The following NUS1 variants were observed in gnomAD, a reference collection of about 807,000 sequenced individuals.
NUS1 encodes the protein dehydrodolichyl diphosphate synthase complex subunit NUS1.
For missense variants in NUS1, 292 were observed against 382.9 expected (o/e 0.76, Z 1.98); for synonymous variants, 135 against 155.2 (o/e 0.87, Z 0.97).
intron 1 of NUS1, among the ~76,000 whole-genome samples, chr6:117,676,492 C>G (rs1442982034): frequency 6.6e-6 from 1 of 152,164 alleles, no homozygotes; most frequent in Non-Finnish European, 1.5e-5. Flanking sequence ...GCAGGAGAAT[C>G]GCTGGAACCC....
At chr6:117,693,978 AATATACCTG>A in intron 2 of NUS1, 44 bp from the exon 3 acceptor site, 1 of 1,557,438 alleles carries the variant, frequency 6.4e-7, no homozygotes, top group Non-Finnish European at 8.7e-7. Context: ...CTGCTTTTGA[AATATACCTG>A]GAAGAGAGTG....
rs920211093 is a variant in NUS1, at chr6:117,700,814, A to G, written c.692-2791A>G. The stretch of plus-strand genomic sequence containing the variant: ...CCTGTCATTTGCAGCAACACGGATG[A>G]AACTGGAGGCCATTATGTTAAATGA... On this transcript the variant is annotated intron_variant, in intron 3 of 4. Transcript: ENST00000368494. 3.0e-4 allele frequency among the ~76,000 whole-genome samples: 45 copies of G among 152,320 alleles called. 1 individual carries two copies. The highest frequency in any genetic ancestry group is 9.6e-4 in the African/African-American group (40 of 41,576).
intron 3 of NUS1, among the ~76,000 whole-genome samples, chr6:117,696,156 A>G (rs1397218331): frequency 6.6e-6 from 1 of 152,110 alleles, no homozygotes; most frequent in Non-Finnish European, 1.5e-5. Context: ...CTGAAAATGC[A>G]TCAGAGTCTC....
chr6:117,706,449 A>C (rs556187816), intron 4 of NUS1, among the ~76,000 whole-genome samples: 1 of 152,176 alleles, frequency 6.6e-6, no homozygotes, highest in South Asian at 2.1e-4. Context: ...GCTTTGCATT[A>C]ATCTGAGCTT....
Position 117,675,842 on chromosome 6 carries a change from A to C in NUS1, c.172A>C (p.Lys58Gln). 1 of 1,542,328 alleles carries C rather than the reference A, an allele frequency of 6.5e-7. No individual in the cohort carries two copies. The highest frequency in any genetic ancestry group is 2.0e-5 in the Admixed American group (1 of 50,436). Residue 58 changes from lysine (K) to glutamine (Q), a missense_variant, in exon 1 of 5, where the codon AAG becomes CAG. By Grantham distance (53) the Lys-to-Gln change is moderately conservative. Coordinates refer to ENST00000368494, the MANE Select transcript of NUS1 (RefSeq NM_138459.5). ...VLAPLGFTLR[K>Q]PPAVGRNRRH... The stretch of plus-strand genomic sequence containing the variant: ...AGCGCCGCTCGGCTTCACGCTCCGC[A>C]AGCCCCCGGCAGTCGGCAGGAACCG...
chr6:117,690,321 A>G (rs1773197086), intron 1 of NUS1, among the ~76,000 whole-genome samples: 1 of 152,068 alleles, frequency 6.6e-6, no homozygotes, highest in Admixed American at 6.6e-5. Context: ...TTAGCCTTCT[A>G]CTTTTCTCTA....
At chr6:117,682,078 T>C (rs1265212771) in intron 1 of NUS1, among the ~76,000 whole-genome samples, 1 of 152,028 alleles carries the variant, frequency 6.6e-6, no homozygotes, top group African/African-American at 2.4e-5. Flanking sequence ...AAGATCCACC[T>C]GCCTCAGCCT....
In NUS1 at chr6:117,690,345, A is replaced by G. The variant is rs551311056; in HGVS notation, c.416-2697A>G. Among the ~76,000 whole-genome samples, 3 of 152,268 alleles carry G rather than the reference A, an allele frequency of 2.0e-5. No individual in the cohort carries two copies. In the South Asian group the frequency reaches 6.2e-4, roughly 32 times the overall value. ...TACTTTTCTCTATATATACCTAATT[A>G]TATTTGAAATCTTACTAATCGTTAT... On this transcript the variant is annotated intron_variant, in intron 1 of 4. Transcript: ENST00000368494.
intron 3 of NUS1, among the ~76,000 whole-genome samples, chr6:117,700,808 C>T (rs376569131): frequency 1.3e-5 from 2 of 152,094 alleles, no homozygotes; most frequent in African/African-American, 2.4e-5. Flanking sequence ...TGCAGCAACA[C>T]GGATGAAACT....
rs1441743015 is a variant in NUS1 at position 117,710,077 on chromosome 6, T to A, written c.*3062T>A. 1 of 152,146 alleles carries A rather than the reference T, an allele frequency of 6.6e-6. No homozygotes were observed. Among genetic ancestry groups the A allele is most frequent in the Non-Finnish European group, 1.5e-5 (1 of 67,974 alleles). 9.4% of individuals were successfully genotyped at this position (152,146 alleles called of 1,614,324 possible). On this transcript the variant is annotated 3_prime_UTR_variant, in exon 5 of 5. Transcript: ENST00000368494. ...TTCCACAGTAATTAAAATTTGAATT[T>A]TTACCGAATATGAAATTTCCAAATT...
intron 3 of NUS1, among the ~76,000 whole-genome samples, chr6:117,701,734 C>A (rs1176192318): frequency 1.3e-5 from 2 of 151,860 alleles, no homozygotes; most frequent in Non-Finnish European, 1.5e-5. Context: ...CTGCAACCTT[C>A]CTAAGATACA....
chr6:117,703,085 A>G (rs1469818750), intron 3 of NUS1, among the ~76,000 whole-genome samples: 3 of 152,172 alleles, frequency 2.0e-5, no homozygotes, highest in Non-Finnish European at 4.4e-5. Flanking sequence ...CAAGGAAGAC[A>G]TTTGTGATGT....
intron 1 of NUS1, 25 bp from the exon 2 acceptor site, chr6:117,693,017 T>G: frequency 6.3e-7 from 1 of 1,583,884 alleles, no homozygotes; most frequent in Non-Finnish European, 8.7e-7. Flanking sequence ...TAGTTGTGTT[T>G]TACTTGCCTT....
At chr6:117,704,169 G>T (rs929575181) in intron 4 of NUS1, among the ~76,000 whole-genome samples, 3 of 152,170 alleles carry the variant, frequency 2.0e-5, no homozygotes, top group Admixed American at 6.5e-5. Context: ...ATAGGAATGT[G>T]TGTAGTGGTA....
At chr6:117,679,058 C>T (rs1773024605) in intron 1 of NUS1, among the ~76,000 whole-genome samples, 1 of 152,170 alleles carries the variant, frequency 6.6e-6, no homozygotes, top group Non-Finnish European at 1.5e-5. Flanking sequence ...ATCCTATTGA[C>T]ATACTCGTAA....
chr6:117,699,843 G>C (rs918115712), intron 3 of NUS1, among the ~76,000 whole-genome samples: 1 of 151,832 alleles, frequency 6.6e-6, no homozygotes, highest in African/African-American at 2.4e-5. Flanking sequence ...ACAATCTAGA[G>C]ACAAATGCAT....
chr6:117,696,102 A>G (rs1484292514), intron 3 of NUS1, among the ~76,000 whole-genome samples: 1 of 152,104 alleles, frequency 6.6e-6, no homozygotes, highest in Non-Finnish European at 1.5e-5. Flanking sequence ...AATAATTAAA[A>G]AGAATCAAGC....
chr6:117,681,659 G>T (rs1015489037), intron 1 of NUS1, among the ~76,000 whole-genome samples: 1 of 152,146 alleles, frequency 6.6e-6, no homozygotes. Context: ...ATACTGAATA[G>T]TACAACCTAG....
rs1313193672 is a variant in NUS1 at position 117,710,374 on chromosome 6, T to G, written c.*3359T>G. The stretch of plus-strand genomic sequence containing the variant: ...TGAAATAAAACCCAGGAAACAAGAT[T>G]AATGTGAGCAGTTCTCCAAGATCCT... On this transcript the variant is annotated 3_prime_UTR_variant, in exon 5 of 5. Coordinates refer to ENST00000368494, the MANE Select transcript of NUS1 (RefSeq NM_138459.5). The G allele has an allele frequency of 1.3e-5, 2 of 152,090 alleles. No homozygotes were observed. Among genetic ancestry groups the G allele is most frequent in the Admixed American group, 6.5e-5 (1 of 15,278 alleles). The allele number at this position is 152,090 out of a possible 1,614,324, so 9.4% of individuals were successfully genotyped here. A position where few individuals can be genotyped will look rare whatever the true frequency, so the allele number is the denominator to read the frequency against.
Sources: allele counts gnomAD v4.1 joint callset (sites outside exome capture counted in the v4.1 genomes callset), GRCh38; gene constraint gnomAD v4.1.1; transcripts MANE v1.5; gene names NCBI Gene and HGNC (gene_info 2026-07-23, HGNC 2026-07-21).